The following FBXL20 variants were observed in gnomAD, a reference collection of about 807,000 sequenced individuals.
The protein encoded by FBXL20 is F-box and leucine rich repeat protein 20.
Under a neutral mutation model 64.0 loss-of-function variants are expected in FBXL20, and 11 were observed. The observed-to-expected ratio is 0.17, with a 90% confidence interval of 0.11 to 0.28. The LOEUF is 0.28. Among genes scored for constraint, FBXL20 ranks in the 10% least tolerant of loss-of-function variants. FBXL20 has a pLI of 1.00. For missense variants in FBXL20, 303 were observed against 526.2 expected (o/e 0.58, Z 4.15); for synonymous variants, 184 against 189.0 (o/e 0.97, Z 0.22).
rs191227979 is a variant in FBXL20 at position 39,273,799 on chromosome 17, G to A, written c.827+1171C>T. On this transcript the variant is annotated intron_variant, in intron 10 of 14. Coordinates refer to ENST00000264658, the MANE Select transcript of FBXL20 (RefSeq NM_032875.3). The stretch of plus-strand genomic sequence containing the variant: ...CGCGCCACTGCACTCCAGCCTGGGC[G>A]ACAGAGCAAGACTCTGTTTCAGAAA... Among the ~76,000 whole-genome samples the A allele has an allele frequency of 1.5e-3, 216 of 143,092 alleles. 1 individual carries two copies. The highest frequency in any genetic ancestry group is 5.3e-3 in the African/African-American group (210 of 39,880). 93.9% of individuals were successfully genotyped at this position (143,092 alleles called of 152,430 possible).
chr17:39,264,536 C>T (rs1195331402), intron 13 of FBXL20, 149 bp from the exon 14 acceptor site: 3 of 752,888 alleles, frequency 4.0e-6, no homozygotes, highest in Non-Finnish European at 6.3e-6. Flanking sequence ...ATTTAAAAAA[C>T]TAGAGATAGT....
At chr17:39,278,344 C>T (rs182418580) in intron 9 of FBXL20, among the ~76,000 whole-genome samples, 106 of 152,156 alleles carry the variant, frequency 7.0e-4, no homozygotes, top group African/African-American at 2.4e-3. Context: ...TGGGGTTTCA[C>T]CATATTGGCC....
At chr17:39,276,012 T>C (rs2046887387) in intron 9 of FBXL20, among the ~76,000 whole-genome samples, 1 of 151,394 alleles carries the variant, frequency 6.6e-6, no homozygotes, top group Non-Finnish European at 1.5e-5. Context: ...TTTGGGAGGC[T>C]GAGGTGGGTG....
At chr17:39,301,729 G>C (rs801418) in intron 3 of FBXL20, among the ~76,000 whole-genome samples, 34,100 of 149,392 alleles carry the variant, frequency 0.23, 4,539 homozygotes, top group African/African-American at 0.37. Flanking sequence ...CTTCATCTGG[G>C]GGGGAAAAAT....
intron 2 of FBXL20, among the ~76,000 whole-genome samples, chr17:39,306,243 T>TG (rs1345622724): frequency 1.3e-5 from 2 of 151,304 alleles, no homozygotes; most frequent in African/African-American, 4.9e-5. Flanking sequence ...CTCAGCCTCT[T>TG]GGGGTCACGT....
chr17:39,294,176 T>A (rs569132951), intron 6 of FBXL20, among the ~76,000 whole-genome samples: 2 of 152,066 alleles, frequency 1.3e-5, no homozygotes, highest in East Asian at 3.9e-4. Context: ...GGTCTCACTA[T>A]GTTGGCCAGG....
intron 1 of FBXL20, among the ~76,000 whole-genome samples, chr17:39,356,796 C>T (rs1036203011): frequency 4.0e-5 from 6 of 150,480 alleles, no homozygotes; most frequent in Non-Finnish European, 3.0e-5. Context: ...GCTGGAACTA[C>T]GGGTGCGTGC....
intron 1 of FBXL20, among the ~76,000 whole-genome samples, chr17:39,349,311 C>A (rs893276291): frequency 2.1e-5 from 2 of 93,246 alleles, no homozygotes; most frequent in African/African-American, 9.0e-5. Flanking sequence ...GGCAACAGAG[C>A]AAGATTCCAT....
chr17:39,393,947 G>A (rs533556422), intron 1 of FBXL20, among the ~76,000 whole-genome samples: 30 of 152,254 alleles, frequency 2.0e-4, no homozygotes, highest in African/African-American at 7.2e-4. Context: ...ATTGTTAGTT[G>A]CTGTCAAGTA....
In FBXL20 at chr17:39,268,961, T is replaced by G. The variant is rs2046815932; in HGVS notation, c.889-90A>C. 3 of 1,122,196 alleles carry G rather than the reference T, an allele frequency of 2.7e-6. No individual in the cohort carries two copies. In the South Asian group the frequency reaches 4.0e-5, roughly 15 times the overall value. 69.5% of individuals were successfully genotyped at this position (1,122,196 alleles called of 1,614,324 possible). A position where few individuals can be genotyped will look rare whatever the true frequency, so the allele number is the denominator to read the frequency against. The stretch of plus-strand genomic sequence containing the variant: ...AGGACAGAAAACTAAGAGGTAATAT[T>G]AAATACGTTGATAAATTCTTTGGTG... On this transcript the variant is annotated intron_variant, in intron 11 of 14. Transcript: ENST00000264658.
chr17:39,320,108 TTC>T (rs1446059438), intron 2 of FBXL20, among the ~76,000 whole-genome samples: 1 of 152,192 alleles, frequency 6.6e-6, no homozygotes, highest in African/African-American at 2.4e-5. Flanking sequence ...CAGATTTTGT[TTC>T]TTATATAAAC....
Position 39,258,928 on chromosome 17 carries a change from A to G in FBXL20, c.*2532T>C, listed in dbSNP as rs2046720065. ...CAAGAAACTGAGTTTCATGTTAAAA[A>G]CTATATTCCTTATAAGGTAATCTGA... On this transcript the variant is annotated 3_prime_UTR_variant, in exon 15 of 15. Coordinates refer to ENST00000264658, the MANE Select transcript of FBXL20 (RefSeq NM_032875.3). 1 of 152,172 alleles carries G rather than the reference A, an allele frequency of 6.6e-6. No individual in the cohort carries two copies. The highest frequency in any genetic ancestry group is 2.4e-5 in the African/African-American group (1 of 41,448). 9.4% of individuals were successfully genotyped at this position (152,172 alleles called of 1,614,324 possible).
intron 2 of FBXL20, among the ~76,000 whole-genome samples, chr17:39,330,263 C>T (rs1396546132): frequency 6.6e-6 from 1 of 150,492 alleles, no homozygotes; most frequent in Non-Finnish European, 1.5e-5. Flanking sequence ...TGCCATTGCG[C>T]TCCAGCCTGG....
Position 39,372,516 on chromosome 17 carries a change from C to CAA in FBXL20, c.42+28843_42+28844dup, listed in dbSNP as rs747264126. ...CCTGGCAACAGAGCGAGACTCTGAC[C>CAA]AAAAAAAAAAAAAAAAAAAAAAAAA... On this transcript the variant is annotated intron_variant, in intron 1 of 14. Coordinates refer to ENST00000264658, the MANE Select transcript of FBXL20 (RefSeq NM_032875.3). 6.8e-3 allele frequency among the ~76,000 whole-genome samples: 279 copies of CAA among 41,170 alleles called. 18 individuals carry two copies. Among genetic ancestry groups the CAA allele is most frequent in the African/African-American group, 0.017 (229 of 13,220 alleles). 27.0% of individuals were successfully genotyped at this position (41,170 alleles called of 152,430 possible).
chr17:39,373,960 GCCTGTATTC>G (rs1243167429), intron 1 of FBXL20, among the ~76,000 whole-genome samples: 1 of 152,134 alleles, frequency 6.6e-6, no homozygotes, highest in African/African-American at 2.4e-5. Flanking sequence ...GGTGGTCCAC[GCCTGTATTC>G]CCAGCACTTT....
chr17:39,311,490 G>C (rs936077432), intron 2 of FBXL20, among the ~76,000 whole-genome samples: 2 of 152,108 alleles, frequency 1.3e-5, no homozygotes, highest in African/African-American at 4.8e-5. Context: ...AGGAAAGGTT[G>C]TATGTCTTTC....
intron 6 of FBXL20, among the ~76,000 whole-genome samples, chr17:39,290,500 T>C (rs2047028096): frequency 6.6e-6 from 1 of 152,164 alleles, no homozygotes. Flanking sequence ...CCATCAAATA[T>C]GATGTTGTAA....
At chr17:39,262,117 C>T (rs911192995) in intron 14 of FBXL20, among the ~76,000 whole-genome samples, 1 of 151,884 alleles carries the variant, frequency 6.6e-6, no homozygotes, top group Admixed American at 6.6e-5. Context: ...CTCTCATTCT[C>T]TTTGGTGAAG....
At chr17:39,319,575 G>T (rs1000532647) in intron 2 of FBXL20, among the ~76,000 whole-genome samples, 8 of 148,800 alleles carry the variant, frequency 5.4e-5, no homozygotes, top group Non-Finnish European at 7.4e-5. Context: ...ATCCCAACTA[G>T]TCAGGAGGCT....
Sources: allele counts gnomAD v4.1 joint callset (sites outside exome capture counted in the v4.1 genomes callset), GRCh38; gene constraint gnomAD v4.1.1; transcripts MANE v1.5; gene names NCBI Gene and HGNC (gene_info 2026-07-23, HGNC 2026-07-21).